PHACTR1: variants seen among roughly 807,000 people sequenced by gnomAD.
The protein encoded by PHACTR1 is phosphatase and actin regulator 1.
A neutral mutation model predicts 69.2 loss-of-function variants in PHACTR1; 16 were observed. That is an observed-to-expected ratio of 0.23 (90% CI 0.16 to 0.35). The LOEUF is 0.35. Ranked by LOEUF, PHACTR1 falls within the 10% of genes least tolerant of loss-of-function variation. The pLI is 1.00. For synonymous variants in PHACTR1, 312 were observed against 284.5 expected (o/e 1.10, Z -0.97); for missense variants, 510 against 734.7 (o/e 0.69, Z 3.54).
chr6:12,858,217 G>A (rs931477963), intron 4 of PHACTR1, among the ~76,000 whole-genome samples: 1 of 152,184 alleles, frequency 6.6e-6, no homozygotes, highest in Non-Finnish European at 1.5e-5. Context: ...CCAGCAGTCT[G>A]CATCTGACCT....
chr6:12,811,200 A>G (rs1181893127), intron 4 of PHACTR1, among the ~76,000 whole-genome samples: 2 of 152,342 alleles, frequency 1.3e-5, no homozygotes, highest in East Asian at 3.9e-4. Context: ...AAATCATAGG[A>G]CGAAGTAAGT....
chr6:12,855,527 C>T (rs539893959), intron 4 of PHACTR1, among the ~76,000 whole-genome samples: 1 of 152,180 alleles, frequency 6.6e-6, no homozygotes, highest in East Asian at 1.9e-4. Context: ...TTATCCTAAG[C>T]GAATTAACAC....
chr6:12,895,309 G>A lies in PHACTR1; in HGVS notation c.250+145519G>A, dbSNP rs558117507. Among the ~76,000 whole-genome samples, 3 of 150,674 alleles carry A rather than the reference G, an allele frequency of 2.0e-5. No homozygotes were observed. The South Asian group carries it at 6.3e-4, about 32-fold the overall frequency. ...CGATTCTCCTGCCTCAGCTTCCCAA[G>A]TAGCTGGGATTACAGGTGCCTGCCA... On this transcript the variant is annotated intron_variant, in intron 4 of 14. Coordinates refer to ENST00000332995, the MANE Select transcript of PHACTR1 (RefSeq NM_030948.6).
chr6:13,255,437 T>G (rs965838772), intron 10 of PHACTR1, among the ~76,000 whole-genome samples: 3 of 152,164 alleles, frequency 2.0e-5, no homozygotes, highest in African/African-American at 4.8e-5. Context: ...CTTCTCATAT[T>G]GCAAAATAAA....
intron 5 of PHACTR1, among the ~76,000 whole-genome samples, chr6:13,127,557 G>T (rs1168257787): frequency 6.6e-6 from 1 of 152,204 alleles, no homozygotes; most frequent in Non-Finnish European, 1.5e-5. Context: ...GTGACAGAGA[G>T]AGACCCTGTA....
At chr6:12,996,957 G>A (rs1016015636) in intron 4 of PHACTR1, among the ~76,000 whole-genome samples, 2 of 152,100 alleles carry the variant, frequency 1.3e-5, no homozygotes, top group Non-Finnish European at 2.9e-5. Context: ...CCTGAGGTCA[G>A]GAGTTTGAGA....
intron 4 of PHACTR1, among the ~76,000 whole-genome samples, chr6:12,886,573 G>T (rs1044784008): frequency 2.0e-5 from 3 of 152,134 alleles, no homozygotes; most frequent in Admixed American, 6.5e-5. Flanking sequence ...GCACCCAAAG[G>T]ATTCGCTGAA....
intron 5 of PHACTR1, among the ~76,000 whole-genome samples, chr6:13,145,185 C>T (rs1480878742): frequency 1.3e-5 from 2 of 152,226 alleles, no homozygotes; most frequent in Admixed American, 1.3e-4. Flanking sequence ...AAAATCTGCA[C>T]ATTTCTTCCC....
At chr6:13,281,505 G>C in intron 12 of PHACTR1, 1 of 324,198 alleles carries the variant, frequency 3.1e-6, no homozygotes, top group Non-Finnish European at 6.5e-6. Flanking sequence ...AGTGAGCCGA[G>C]ATCATTGCAC....
At chr6:13,013,657 G>A (rs1799712740) in intron 4 of PHACTR1, among the ~76,000 whole-genome samples, 1 of 152,064 alleles carries the variant, frequency 6.6e-6, no homozygotes, top group Admixed American at 6.5e-5. Flanking sequence ...TAGGACCCAG[G>A]AGCGCCCTGC....
intron 5 of PHACTR1, among the ~76,000 whole-genome samples, chr6:13,146,666 G>C (rs920771525): frequency 6.6e-6 from 1 of 152,164 alleles, no homozygotes; most frequent in Non-Finnish European, 1.5e-5. Context: ...ATATTAAGCC[G>C]TTCTGGGCAG....
chr6:13,184,794 C>T (rs1199563440), intron 7 of PHACTR1: 5 of 1,366,318 alleles, frequency 3.7e-6, no homozygotes, highest in Admixed American at 3.8e-5. Flanking sequence ...TGGTTGTCCC[C>T]TCAGTGTCTG....
At chr6:13,276,944 G>A (rs1276388037) in intron 11 of PHACTR1, among the ~76,000 whole-genome samples, 5 of 152,130 alleles carry the variant, frequency 3.3e-5, no homozygotes, top group African/African-American at 1.2e-4. Flanking sequence ...TAGTGTCCCA[G>A]GCAGTCGTGA....
intron 4 of PHACTR1, among the ~76,000 whole-genome samples, chr6:12,837,938 C>T (rs2127738197): frequency 6.6e-6 from 1 of 152,302 alleles, no homozygotes; most frequent in East Asian, 1.9e-4. Flanking sequence ...AAGGTGTTGG[C>T]CAGGGCTACA....
intron 10 of PHACTR1, among the ~76,000 whole-genome samples, chr6:13,252,327 C>CAAAA (rs373475742): frequency 8.5e-5 from 7 of 82,586 alleles, no homozygotes; most frequent in African/African-American, 2.1e-4. Flanking sequence ...GATCCTGTCT[C>CAAAA]AAAAAAAAAA....
intron 10 of PHACTR1, among the ~76,000 whole-genome samples, chr6:13,266,282 A>G (rs1776690593): frequency 6.6e-6 from 1 of 152,018 alleles, no homozygotes; most frequent in Non-Finnish European, 1.5e-5. Context: ...ACCATTTCTT[A>G]CCAGGTGTGC....
intron 4 of PHACTR1, among the ~76,000 whole-genome samples, chr6:12,855,366 C>CTCTTCAGTCCAGAGG (rs1780243393): frequency 6.6e-6 from 1 of 152,054 alleles, no homozygotes; most frequent in South Asian, 2.1e-4. Context: ...GCCAGAGGAT[C>CTCTTCAGTCCAGAGG]TCTTCAGTCC....
At chr6:12,891,849 A>T (rs766712018) in intron 4 of PHACTR1, among the ~76,000 whole-genome samples, 28 of 152,314 alleles carry the variant, frequency 1.8e-4, no homozygotes, top group Non-Finnish European at 2.5e-4. Context: ...ATTCTGTGTA[A>T]CTCTCAGCAA....
At chr6:13,094,107 A>G (rs1199497298) in intron 5 of PHACTR1, among the ~76,000 whole-genome samples, 2 of 151,996 alleles carry the variant, frequency 1.3e-5, no homozygotes, top group African/African-American at 4.8e-5. Context: ...TCCTGGGCTC[A>G]AGGGCTCAAG....
Sources: allele counts gnomAD v4.1 joint callset (sites outside exome capture counted in the v4.1 genomes callset), GRCh38; gene constraint gnomAD v4.1.1; transcripts MANE v1.5; gene names NCBI Gene and HGNC (gene_info 2026-07-23, HGNC 2026-07-21).